PPP2CB: variants seen among roughly 807,000 people sequenced by gnomAD.
PPP2CB encodes protein phosphatase 2 catalytic subunit beta.
In PPP2CB, 18 loss-of-function variants were observed where a neutral mutation model predicts 39.1. The observed-to-expected ratio is 0.46, with a 90% CI of 0.32 to 0.68. The LOEUF (loss-of-function observed/expected upper bound fraction) is 0.68. PPP2CB is among the 30% of genes least tolerant of loss of function. PPP2CB has a pLI of 0.04. For missense variants in PPP2CB, 226 were observed against 396.9 expected (o/e 0.57, Z 3.66); for synonymous variants, 129 against 133.8 (o/e 0.96, Z 0.25).
chr8:30,802,978 AC>A (rs1169976585), intron 1 of PPP2CB, among the ~76,000 whole-genome samples: 1 of 152,234 alleles, frequency 6.6e-6, no homozygotes. Context: ...ACTTAGCAAC[AC>A]GCAGAAACTT....
At chr8:30,786,405 C>G in intron 6 of PPP2CB, 98 bp from the exon 7 acceptor site, 1 of 980,274 alleles carries the variant, frequency 1.0e-6, no homozygotes, top group South Asian at 1.6e-5. Flanking sequence ...AGCAGTCCTG[C>G]TTTCCCACCA....
chr8:30,801,841 T>A (rs966670297), intron 1 of PPP2CB, among the ~76,000 whole-genome samples: 2 of 152,168 alleles, frequency 1.3e-5, no homozygotes, highest in East Asian at 3.9e-4. Context: ...GATTACTTTA[T>A]GCCAACTAGA....
intron 5 of PPP2CB, 44 bp from the exon 6 acceptor site, chr8:30,791,359 A>C: frequency 7.3e-7 from 1 of 1,378,452 alleles, no homozygotes. Flanking sequence ...TAATATTATG[A>C]TTTTGACACA....
intron 1 of PPP2CB, among the ~76,000 whole-genome samples, chr8:30,808,078 T>C (rs754744805): frequency 9.2e-5 from 14 of 152,188 alleles, no homozygotes; most frequent in Admixed American, 2.0e-4. Context: ...AGTACTACTC[T>C]GGTCTTGATT....
chr8:30,812,788 G>C lies in PPP2CB; in HGVS notation c.-367C>G, dbSNP rs1180838939. 1 of 464,550 alleles carries C rather than the reference G, an allele frequency of 2.2e-6. No homozygotes were observed. The highest frequency in any genetic ancestry group is 4.3e-6 in the Non-Finnish European group (1 of 232,210). 28.8% of individuals were successfully genotyped at this position (464,550 alleles called of 1,614,324 possible). On this transcript the variant is annotated 5_prime_UTR_variant, in exon 1 of 7. Coordinates refer to ENST00000221138, the MANE Select transcript of PPP2CB (RefSeq NM_001009552.2). ...CTTCAGGCCCGCCTCACGCCTACCG[G>C]CCTCTCCCGACTTGTCTTTCCCCTT...
In PPP2CB at chr8:30,794,549, T is replaced by C. The variant is rs558035171; in HGVS notation, c.487-268A>G. The C allele has an allele frequency of 1.4e-5, 5 of 354,104 alleles. No individual in the cohort carries two copies. In the East Asian group the frequency reaches 2.8e-4, roughly 20 times the overall value. The allele number at this position is 354,104 out of a possible 1,614,324, so 21.9% of individuals were successfully genotyped here. On this transcript the variant is annotated intron_variant, in intron 3 of 6. Coordinates refer to ENST00000221138, the MANE Select transcript of PPP2CB (RefSeq NM_001009552.2). ...TATCCCCATCCTTGGTACCTACCAT[T>C]AAATTTCTTTCTTTCTTTTTTTTCT...
At chr8:30,805,681 G>C (rs1806711670) in intron 1 of PPP2CB, among the ~76,000 whole-genome samples, 1 of 152,118 alleles carries the variant, frequency 6.6e-6, no homozygotes, top group Non-Finnish European at 1.5e-5. Flanking sequence ...TTTTTTCTAA[G>C]ATTGAATAGG....
In PPP2CB at chr8:30,791,321, G is replaced by T; in HGVS notation, c.739-6C>A. ...TCATGACACCAATTGTATCCCTGCAGGATAAAAACAAATTCATTATTTCAT... is the reference window on the plus strand; with the variant it reads ...TCATGACACCAATTGTATCCCTGCATGATAAAAACAAATTCATTATTTCAT... On this transcript the variant is annotated splice_region_variant and splice_polypyrimidine_tract_variant and intron_variant, in intron 5 of 6. Coordinates refer to ENST00000221138, the MANE Select transcript of PPP2CB (RefSeq NM_001009552.2). The T allele has an allele frequency of 6.5e-7, 1 of 1,549,446 alleles. No individual in the cohort carries two copies. Among genetic ancestry groups the T allele is most frequent in the Non-Finnish European group, 8.8e-7 (1 of 1,133,478 alleles).
intron 6 of PPP2CB, 110 bp from the exon 7 acceptor site, chr8:30,786,417 G>A (rs1236189164): frequency 1.6e-5 from 14 of 852,440 alleles, no homozygotes; most frequent in Non-Finnish European, 2.0e-5. Context: ...TTCCCACCAT[G>A]ACTACATCAC....
At chr8:30,806,667 A>AT (rs1480839315) in intron 1 of PPP2CB, among the ~76,000 whole-genome samples, 1 of 152,174 alleles carries the variant, frequency 6.6e-6, no homozygotes, top group East Asian at 1.9e-4. Flanking sequence ...AATTTCTGGC[A>AT]TTTTCATTTC....
At chr8:30,801,289 T>G (rs975008570) in intron 1 of PPP2CB, among the ~76,000 whole-genome samples, 1 of 151,942 alleles carries the variant, frequency 6.6e-6, no homozygotes, top group African/African-American at 2.4e-5. Flanking sequence ...TCCCAGCACT[T>G]TGGGAGGCTG....
At chr8:30,793,412 T>C (rs1806469615) in intron 5 of PPP2CB, 1 of 152,448 alleles carries the variant, frequency 6.6e-6, no homozygotes, top group Admixed American at 6.5e-5. Flanking sequence ...AGTGAGACAA[T>C]TAGCAAAATT....
chr8:30,795,591 G>GTTAT (rs1204223619), intron 3 of PPP2CB, among the ~76,000 whole-genome samples: 2 of 152,100 alleles, frequency 1.3e-5, no homozygotes, highest in Admixed American at 6.6e-5. Flanking sequence ...TGGCATTGAG[G>GTTAT]TTATACTAGG....
chr8:30,801,062 A>AGCT (rs1162944891), intron 1 of PPP2CB, among the ~76,000 whole-genome samples: 1 of 134,044 alleles, frequency 7.5e-6, no homozygotes, highest in African/African-American at 2.8e-5. Context: ...TTTAAAAAAT[A>AGCT]GCTGGGCATG....
chr8:30,790,969 G>A (rs769638108), intron 6 of PPP2CB: 41 of 406,902 alleles, frequency 1.0e-4, no homozygotes, highest in South Asian at 9.9e-4. Flanking sequence ...GATTTAGTAG[G>A]TTTTCTTGAA....
At chr8:30,791,996 A>G (rs1408251526) in intron 5 of PPP2CB, among the ~76,000 whole-genome samples, 1 of 150,778 alleles carries the variant, frequency 6.6e-6, no homozygotes, top group Non-Finnish European at 1.5e-5. Context: ...ACGTGTGCAT[A>G]TATGTATACA....
chr8:30,795,560 C>T (rs1563215226), intron 3 of PPP2CB, among the ~76,000 whole-genome samples: 1 of 151,956 alleles, frequency 6.6e-6, no homozygotes, highest in Non-Finnish European at 1.5e-5. Flanking sequence ...TTTTATTTTT[C>T]TGTGCGTGCC....
At chr8:30,800,591 C>G (rs1030199673) in intron 1 of PPP2CB, among the ~76,000 whole-genome samples, 2 of 152,184 alleles carry the variant, frequency 1.3e-5, no homozygotes, top group African/African-American at 4.8e-5. Flanking sequence ...ATGAAATGTT[C>G]TGACTAAATC....
chr8:30,803,522 G>A (rs1235808727), intron 1 of PPP2CB, among the ~76,000 whole-genome samples: 1 of 151,664 alleles, frequency 6.6e-6, no homozygotes, highest in Non-Finnish European at 1.5e-5. Context: ...TCCAGCCTAG[G>A]CGACAGTAAG....
Sources: gnomAD v4.1 joint callset for allele counts (sites outside exome capture counted in the v4.1 genomes callset) on GRCh38, gnomAD v4.1.1 for gene constraint, MANE v1.5 for transcripts, NCBI Gene and HGNC (gene_info 2026-07-23, HGNC 2026-07-21) for gene names.